Variants in GFI1B observed in about 807,000 individuals in gnomAD.
GFI1B encodes the protein growth factor independent 1B transcriptional repressor.
Under a neutral mutation model 35.3 loss-of-function variants are expected in GFI1B, and 20 were observed. The observed-to-expected ratio is 0.57, with a 90% CI of 0.40 to 0.82. The LOEUF is 0.82. Among genes scored for constraint, GFI1B ranks in the 40% least tolerant of loss-of-function variants. The pLI, the probability that GFI1B is intolerant of heterozygous loss-of-function variation, is 0.00. For synonymous variants in GFI1B, 178 were observed against 177.6 expected, an observed-to-expected ratio of 1.00 and a Z score of -0.02; for missense variants, 430 against 446.3, an observed-to-expected ratio of 0.96 and a Z score of 0.33.
intron 1 of GFI1B, among the ~76,000 whole-genome samples, chr9:132,970,243 A>C (rs1477573073): frequency 6.6e-6 from 1 of 152,064 alleles, no homozygotes; most frequent in Non-Finnish European, 1.5e-5. Context: ...CCTGGGTCCA[A>C]GCCTCCCTGA....
At chr9:132,956,668 T>C (rs1200171088) in intron 1 of GFI1B, among the ~76,000 whole-genome samples, 1 of 152,260 alleles carries the variant, frequency 6.6e-6, no homozygotes, top group African/African-American at 2.4e-5. Context: ...GACCAAAGAA[T>C]GCATTAGTTG....
intron 1 of GFI1B, chr9:132,963,773 G>A (rs1274556569): frequency 6.6e-6 from 1 of 151,988 alleles, no homozygotes; most frequent in East Asian, 1.9e-4. Context: ...CAGGCTTTCT[G>A]GTTTTTGCCC....
At position 132,990,779 on chromosome 9, in the gene GFI1B, G is replaced by T; in HGVS notation, c.815-93G>T. 3.5e-6 allele frequency: 4 copies of T among 1,130,640 alleles called. No homozygotes were observed. The South Asian group carries it at 3.8e-5, about 11-fold the overall frequency. The allele number at this position is 1,130,640 out of a possible 1,614,324, so 70.0% of individuals were successfully genotyped here. ...ATGAGAGAAAACACAGGAAGGTATTGGAAAATGAACCCGGGGGCAGGGCAG... is the reference window on the plus strand; with the variant it reads ...ATGAGAGAAAACACAGGAAGGTATTTGAAAATGAACCCGGGGGCAGGGCAG... On this transcript the variant is annotated intron_variant, in intron 6 of 6. Coordinates refer to ENST00000372122, the MANE Select transcript of GFI1B (RefSeq NM_001377304.1).
chr9:132,969,746 C>G (rs926735318), intron 1 of GFI1B, among the ~76,000 whole-genome samples: 2 of 152,154 alleles, frequency 1.3e-5, no homozygotes, highest in Non-Finnish European at 2.9e-5. Context: ...AACTGCAAAC[C>G]ATTCATCTTG....
chr9:132,988,982 A>G (rs1306421422), intron 4 of GFI1B, 79 bp from the exon 5 acceptor site: 43 of 1,384,402 alleles, frequency 3.1e-5, no homozygotes, highest in Non-Finnish European at 4.2e-5. Context: ...AGAGCTGGGC[A>G]TGGAAGAGAC....
intron 1 of GFI1B, among the ~76,000 whole-genome samples, chr9:132,985,504 C>G (rs545205692): frequency 6.6e-6 from 1 of 152,226 alleles, no homozygotes; most frequent in Admixed American, 6.5e-5. Context: ...GTCTTGAGTC[C>G]CCACACCCCA....
At chr9:132,978,659 T>C (rs1009135416), upstream of GFI1B, 3 of 152,124 alleles carry the variant, frequency 2.0e-5, no homozygotes, top group Admixed American at 6.5e-5. Flanking sequence ...AATAATCAGA[T>C]TGAAAATCAG....
intron 1 of GFI1B, among the ~76,000 whole-genome samples, chr9:132,967,765 T>C (rs987630909): frequency 2.0e-5 from 3 of 152,150 alleles, no homozygotes; most frequent in South Asian, 2.1e-4. Flanking sequence ...TGTGTGTGTG[T>C]ATGTGTGTGT....
chr9:132,960,213 A>T (rs1848342455), intron 1 of GFI1B, among the ~76,000 whole-genome samples: 1 of 152,170 alleles, frequency 6.6e-6, no homozygotes, highest in South Asian at 2.1e-4. Flanking sequence ...CAAGAATTTG[A>T]TCAATGGTGA....
Position 132,988,189 on chromosome 9 carries a change from C to T in GFI1B, c.239-8C>T. 1 of 1,613,580 alleles carries T rather than the reference C, an allele frequency of 6.2e-7. No homozygotes were observed. The highest frequency in any genetic ancestry group is 1.3e-5 in the African/African-American group (1 of 75,018). On this transcript the variant is annotated splice_region_variant and splice_polypyrimidine_tract_variant and intron_variant, in intron 3 of 6. Coordinates refer to ENST00000372122, the MANE Select transcript of GFI1B (RefSeq NM_001377304.1). ...TGAGTAACCAGGCCTGTGTCGTTAT[C>T]TCCACAGAGGGCCCCATTGTGCTGT...
chr9:132,980,093 G>T (rs148665413), intron 1 of GFI1B, among the ~76,000 whole-genome samples: 2 of 152,208 alleles, frequency 1.3e-5, no homozygotes, highest in African/African-American at 2.4e-5. Flanking sequence ...TGCTCTTTCT[G>T]TCAGAGTTTG....
At position 132,989,633 on chromosome 9, in the gene GFI1B, C is replaced by T; in HGVS notation, c.649-109C>T. ...AGGCAGAGATGAGGGGTCCCCCGGT[C>T]CTGCTCCTCCAGGCCGCCCCAATGG... On this transcript the variant is annotated intron_variant, in intron 5 of 6. Coordinates refer to ENST00000372122, the MANE Select transcript of GFI1B (RefSeq NM_001377304.1). This position sits in a 1 kb window ranked among gnomAD's most constrained non-coding sequence, Gnocchi z 6.2. 1 of 822,114 alleles carries T rather than the reference C, an allele frequency of 1.2e-6. No homozygotes were observed. The highest frequency in any genetic ancestry group is 2.1e-5 in the Admixed American group (1 of 47,322). 50.9% of individuals were successfully genotyped at this position (822,114 alleles called of 1,614,324 possible). A position where few individuals can be genotyped will look rare whatever the true frequency, so the allele number is the denominator to read the frequency against.
chr9:132,957,263 G>T (rs541750296), intron 1 of GFI1B, among the ~76,000 whole-genome samples: 25 of 152,170 alleles, frequency 1.6e-4, no homozygotes, highest in Non-Finnish European at 2.5e-4. Context: ...TAACGGCTGC[G>T]CTGACACCTT....
At chr9:132,947,214 CTG>C (rs1848125945) in intron 1 of GFI1B, 1 of 152,226 alleles carries the variant, frequency 6.6e-6, no homozygotes. Context: ...CTGCATTTGG[CTG>C]TGTGACATCT....
chr9:132,964,839 A>C (rs528986637), intron 1 of GFI1B, among the ~76,000 whole-genome samples: 1 of 145,450 alleles, frequency 6.9e-6, no homozygotes. Context: ...TCCTGGTTTC[A>C]AGCGAGTCTC....
chr9:132,974,804 A>G (rs1306961782), upstream of GFI1B, among the ~76,000 whole-genome samples: 12 of 151,342 alleles, frequency 7.9e-5, no homozygotes, highest in Non-Finnish European at 1.5e-5. Context: ...GCTTGGGGAA[A>G]TCAGAGAGTT....
chr9:132,985,582 G>A (rs765922562), intron 1 of GFI1B, among the ~76,000 whole-genome samples: 7 of 152,166 alleles, frequency 4.6e-5, no homozygotes, highest in African/African-American at 1.7e-4. Flanking sequence ...TGGACAAGGC[G>A]CAGCCGTGCT....
At chr9:132,957,815 A>G (rs1487654702) in intron 1 of GFI1B, among the ~76,000 whole-genome samples, 1 of 152,230 alleles carries the variant, frequency 6.6e-6, no homozygotes, top group Non-Finnish European at 1.5e-5. Context: ...AGCAACTAGC[A>G]TGGCTGTAAC....
At chr9:132,970,136 G>A (rs1219045717) in intron 1 of GFI1B, among the ~76,000 whole-genome samples, 1 of 152,138 alleles carries the variant, frequency 6.6e-6, no homozygotes, top group Non-Finnish European at 1.5e-5. Context: ...CTTCTGCAAA[G>A]GGGTGCACAT....
Sources: gnomAD v4.1 joint callset for allele counts (sites outside exome capture counted in the v4.1 genomes callset) on GRCh38, gnomAD v4.1.1 for gene constraint, Gnocchi (gnomAD v3.1) non-coding constraint, MANE v1.5 for transcripts, NCBI Gene and HGNC (gene_info 2026-07-23, HGNC 2026-07-21) for gene names.